PARD3B: variants seen among roughly 807,000 people sequenced by gnomAD.
PARD3B encodes par-3 family cell polarity regulator beta, also known as partitioning defective 3 homolog B.
Under a neutral mutation model 130.2 loss-of-function variants are expected in PARD3B, and 103 were observed. The observed-to-expected ratio is 0.79, with a 90% CI of 0.67 to 0.93. The LOEUF is 0.93. Ranked by LOEUF, PARD3B falls within the 40% of genes least tolerant of loss-of-function variation. PARD3B has a pLI of 0.00. For synonymous variants in PARD3B, 583 were observed against 553.2 expected (o/e 1.05, Z -0.76); for missense variants, 1,609 against 1,499.2 (o/e 1.07, Z -1.21).
intron 20 of PARD3B, among the ~76,000 whole-genome samples, chr2:205,468,351 T>C (rs531171404): frequency 2.6e-5 from 4 of 152,334 alleles, no homozygotes; most frequent in African/African-American, 9.6e-5. Context: ...GGCAGTGCCT[T>C]ACAGCAGAGC....
chr2:205,330,734 G>C (rs2043094177), intron 18 of PARD3B, among the ~76,000 whole-genome samples: 1 of 152,234 alleles, frequency 6.6e-6, no homozygotes, highest in South Asian at 2.1e-4. Context: ...AGTGGTGTTA[G>C]AGGTGGGACA....
At chr2:205,251,121 T>C (rs890221918) in intron 16 of PARD3B, among the ~76,000 whole-genome samples, 2 of 152,156 alleles carry the variant, frequency 1.3e-5, no homozygotes, top group African/African-American at 4.8e-5. Context: ...GATACATCTT[T>C]ACTTGCGTTG....
intron 21 of PARD3B, among the ~76,000 whole-genome samples, chr2:205,534,069 A>AAG (rs1553538935): frequency 3.5e-5 from 5 of 144,792 alleles, no homozygotes; most frequent in Middle Eastern, 3.4e-3. Context: ...AAAAAAAAAA[A>AAG]GGGACAAGAA....
At chr2:205,315,872 C>CTTCCCA (rs1320397091) in intron 18 of PARD3B, among the ~76,000 whole-genome samples, 1 of 152,164 alleles carries the variant, frequency 6.6e-6, no homozygotes, top group Non-Finnish European at 1.5e-5. Context: ...CATTTCTCTC[C>CTTCCCA]TTCCCATCAA....
chr2:205,422,295 G>A (rs1049355113), intron 19 of PARD3B, among the ~76,000 whole-genome samples: 1 of 152,184 alleles, frequency 6.6e-6, no homozygotes, highest in African/African-American at 2.4e-5. Context: ...GAGTCACAGA[G>A]GAGGCGGTGA....
rs531427806 is a variant in PARD3B, at chr2:205,501,642, A to G, written c.3180+1611A>G. ...GCGCATTGAAAAGTGCTCTATCTCA[A>G]AACCTCTATGAATTCCTATGAGCAA... On this transcript the variant is annotated intron_variant, in intron 21 of 22. Coordinates refer to ENST00000406610, the MANE Select transcript of PARD3B (RefSeq NM_001302769.2). Among the ~76,000 whole-genome samples the G allele has an allele frequency of 3.9e-5, 6 of 152,298 alleles. No individual in the cohort carries two copies. The East Asian group carries it at 1.2e-3, about 29-fold the overall frequency.
rs2040380338 is a variant in PARD3B at position 205,263,148 on chromosome 2, T to A, written c.2185+17326T>A. Among the ~76,000 whole-genome samples, 1 of 152,120 alleles carries A rather than the reference T, an allele frequency of 6.6e-6. No individual in the cohort carries two copies. The highest frequency in any genetic ancestry group is 1.5e-5 in the Non-Finnish European group (1 of 67,982). ...TATGTTATTCCCTTTTCTAAGCTCA[T>A]CTGTGTTCTGAATCTGTACCCAACT... On this transcript the variant is annotated intron_variant, in intron 16 of 22. Coordinates refer to ENST00000406610, the MANE Select transcript of PARD3B (RefSeq NM_001302769.2). This position sits in a 1 kb window ranked among gnomAD's most constrained non-coding sequence, Gnocchi z 4.0.
intron 2 of PARD3B, among the ~76,000 whole-genome samples, chr2:204,934,023 G>A (rs1003509544): frequency 2.6e-5 from 4 of 152,194 alleles, no homozygotes; most frequent in African/African-American, 7.2e-5. Flanking sequence ...GAGCAAAGGA[G>A]ACAGTTGAAG....
At chr2:204,842,973 G>C (rs2044312395) in intron 2 of PARD3B, among the ~76,000 whole-genome samples, 1 of 152,104 alleles carries the variant, frequency 6.6e-6, no homozygotes, top group South Asian at 2.1e-4. Flanking sequence ...AAGATCTGCA[G>C]TTCTCAAACT....
chr2:205,172,085 A>T, intron 11 of PARD3B, 126 bp from the exon 12 acceptor site: 1 of 875,872 alleles, frequency 1.1e-6, no homozygotes, highest in East Asian at 2.7e-5. Context: ...AAAATAAATC[A>T]CTTCTAACAG....
At chr2:205,216,439 A>G (rs1268224743) in intron 15 of PARD3B, among the ~76,000 whole-genome samples, 1 of 152,120 alleles carries the variant, frequency 6.6e-6, no homozygotes, top group Non-Finnish European at 1.5e-5. Flanking sequence ...TACGTGTATA[A>G]TTTTTACTTT....
chr2:204,600,943 G>A (rs569204945), intron 1 of PARD3B, among the ~76,000 whole-genome samples: 2 of 150,786 alleles, frequency 1.3e-5, no homozygotes, highest in Non-Finnish European at 3.0e-5. Flanking sequence ...TTTTTTTTCT[G>A]AGTAAATCTA....
intron 11 of PARD3B, among the ~76,000 whole-genome samples, chr2:205,165,055 A>G (rs1372817572): frequency 6.6e-6 from 1 of 152,156 alleles, no homozygotes; most frequent in East Asian, 1.9e-4. Context: ...TCAATAAGAT[A>G]AGTATGTTGA....
intron 3 of PARD3B, among the ~76,000 whole-genome samples, chr2:204,988,520 C>A (rs757863678): frequency 6.6e-6 from 1 of 152,080 alleles, no homozygotes; most frequent in Non-Finnish European, 1.5e-5. Flanking sequence ...AGGATAAATA[C>A]TTGAGGGGGT....
At chr2:204,917,029 T>C (rs1247240075) in intron 2 of PARD3B, among the ~76,000 whole-genome samples, 1 of 152,190 alleles carries the variant, frequency 6.6e-6, no homozygotes, top group Non-Finnish European at 1.5e-5. Flanking sequence ...AATATGTAAA[T>C]ATGTAGTGTA....
At chr2:205,218,471 A>T (rs907923931) in intron 15 of PARD3B, among the ~76,000 whole-genome samples, 1 of 152,220 alleles carries the variant, frequency 6.6e-6, no homozygotes, top group East Asian at 1.9e-4. Context: ...AAAAATATCA[A>T]TTGCAAAAAG....
chr2:205,148,911 T>A (rs554228387), intron 10 of PARD3B, among the ~76,000 whole-genome samples: 1 of 152,244 alleles, frequency 6.6e-6, no homozygotes, highest in Admixed American at 6.5e-5. Context: ...TTTAATGAAA[T>A]GAGGGCCATA....
intron 1 of PARD3B, among the ~76,000 whole-genome samples, chr2:204,576,793 G>T (rs986280887): frequency 6.6e-6 from 1 of 151,998 alleles, no homozygotes; most frequent in Non-Finnish European, 1.5e-5. Flanking sequence ...TTCCCCTTAT[G>T]GTGTCTTTCA....
rs2038765972 is a variant in PARD3B at position 205,230,238 on chromosome 2, G to A, written c.2141-15540G>A. ...GCCACCATAGTTGGGAATGTGCTGG[G>A]CCATACCATAAGTTAGCATGTCTCT... On this transcript the variant is annotated intron_variant, in intron 15 of 22. Transcript: ENST00000406610. The surrounding 1 kb of genome is among the most constrained non-coding windows in gnomAD (Gnocchi z 4.1). 2.0e-5 allele frequency among the ~76,000 whole-genome samples: 3 copies of A among 151,708 alleles called. No individual in the cohort carries two copies. Among genetic ancestry groups the A allele is most frequent in the Non-Finnish European group, 4.4e-5 (3 of 67,954 alleles).
Sources: allele counts gnomAD v4.1 joint callset (sites outside exome capture counted in the v4.1 genomes callset), GRCh38; gene constraint gnomAD v4.1.1; non-coding constraint Gnocchi (gnomAD v3.1); transcripts MANE v1.5; gene names NCBI Gene and HGNC (gene_info 2026-07-23, HGNC 2026-07-21).